Variants in IL17RD observed in about 807,000 individuals in gnomAD.
IL17RD encodes the protein interleukin 17 receptor D.
IL17RD carries 52 observed loss-of-function variants against 80.5 expected under a neutral mutation model. The observed-to-expected ratio is 0.65, with a 90% CI of 0.52 to 0.81. The LOEUF (loss-of-function observed/expected upper bound fraction) is 0.81. Ranked by LOEUF, IL17RD falls within the 40% of genes least tolerant of loss-of-function variation. The probability of loss-of-function intolerance (pLI) is 0.00; values close to 1 mark genes in which losing one functional copy is unlikely to be tolerated. For synonymous variants in IL17RD, 416 were observed against 391.8 expected (o/e 1.06, Z -0.73); for missense variants, 1,024 against 955.1 (o/e 1.07, Z -0.95).
chr3:57,165,173 G>A lies in IL17RD; in HGVS notation c.114C>T (p.Thr38=). The change falls in exon 1 of 13, where the codon ACC becomes ACT. Residue 38 remains threonine, a synonymous_variant. Coordinates refer to ENST00000296318, the MANE Select transcript of IL17RD (RefSeq NM_017563.5). ...GGSGRARGAD[T]CGWRGVGPAS... Reference sequence around the variant, plus strand: ...GCCCTCGCCTTACCCTCCAGCCACAGGTGTCGGCGCCCCGCGCGCGGCCGG... The same window carrying A: ...GCCCTCGCCTTACCCTCCAGCCACAAGTGTCGGCGCCCCGCGCGCGGCCGG... The A allele has an allele frequency of 1.3e-6, 2 of 1,526,986 alleles. No individual in the cohort carries two copies. The highest frequency in any genetic ancestry group is 1.8e-6 in the Non-Finnish European group (2 of 1,138,486). The allele number at this position is 1,526,986 out of a possible 1,614,324, so 94.6% of individuals were successfully genotyped here.
upstream of IL17RD, chr3:57,165,452 G>A (rs1388659140): frequency 9.9e-6 from 4 of 404,460 alleles, no homozygotes; most frequent in African/African-American, 2.5e-5. Context: ...CTCGTGTGCT[G>A]GCCCCGCCCC....
At chr3:57,148,971 T>C (rs946220379) in intron 1 of IL17RD, among the ~76,000 whole-genome samples, 10 of 151,820 alleles carry the variant, frequency 6.6e-5, no homozygotes, top group African/African-American at 2.2e-4. Flanking sequence ...GGTTGGAAGG[T>C]TGGGGAAGGA....
At chr3:57,137,399 C>G (rs963870054) in intron 1 of IL17RD, among the ~76,000 whole-genome samples, 1 of 152,114 alleles carries the variant, frequency 6.6e-6, no homozygotes, top group African/African-American at 2.4e-5. Context: ...ATTTGGCAGA[C>G]AGAAGCACAG....
chr3:57,134,463 T>C (rs2107518859), intron 1 of IL17RD: 3 of 857,034 alleles, frequency 3.5e-6, no homozygotes, highest in Admixed American at 1.7e-5. Flanking sequence ...GAGAAGATAC[T>C]GTGAATCTAA....
intron 1 of IL17RD, among the ~76,000 whole-genome samples, chr3:57,156,988 C>A (rs2060271575): frequency 6.6e-6 from 1 of 152,188 alleles, no homozygotes; most frequent in African/African-American, 2.4e-5. Context: ...CAATGCATCA[C>A]TGCAATGTTT....
At chr3:57,160,991 A>G (rs1461681858) in intron 1 of IL17RD, among the ~76,000 whole-genome samples, 1 of 152,160 alleles carries the variant, frequency 6.6e-6, no homozygotes, top group Non-Finnish European at 1.5e-5. Context: ...AATAACTAGC[A>G]CAATGCCCCA....
At chr3:57,142,788 C>T (rs955696733) in intron 1 of IL17RD, among the ~76,000 whole-genome samples, 7 of 151,888 alleles carry the variant, frequency 4.6e-5, no homozygotes, top group African/African-American at 1.7e-4. Context: ...GGGGATAAAG[C>T]TTCATTTAAA....
intron 8 of IL17RD, among the ~76,000 whole-genome samples, chr3:57,103,353 C>T (rs140662243): frequency 1.3e-5 from 2 of 152,248 alleles, no homozygotes; most frequent in East Asian, 3.9e-4. Flanking sequence ...TTTACCAACT[C>T]GAAACTCTAA....
chr3:57,169,153 G>C (rs56290121), upstream of IL17RD: 3,003 of 470,158 alleles, frequency 6.4e-3, 76 homozygotes, highest in African/African-American at 0.053. Flanking sequence ...TTTCCTCCAG[G>C]CCACAGTGGA....
intron 1 of IL17RD, among the ~76,000 whole-genome samples, chr3:57,127,314 A>T (rs1707499667): frequency 1.0e-5 from 1 of 100,416 alleles, no homozygotes; most frequent in African/African-American, 5.9e-5. Flanking sequence ...AAAAATATAT[A>T]AAAATATATA....
At chr3:57,122,392 G>A (rs541841617) in intron 1 of IL17RD, among the ~76,000 whole-genome samples, 1 of 152,330 alleles carries the variant, frequency 6.6e-6, no homozygotes, top group East Asian at 1.9e-4. Flanking sequence ...CCCGGGCCCT[G>A]GACTGGTCCT....
rs1706630011 is a variant in IL17RD at position 57,094,678 on chromosome 3, A to G, written c.*1715T>C. 1 of 152,212 alleles carries G rather than the reference A, an allele frequency of 6.6e-6. No individual in the cohort carries two copies. Among genetic ancestry groups the G allele is most frequent in the African/African-American group, 2.4e-5 (1 of 41,446 alleles). 9.4% of individuals were successfully genotyped at this position (152,212 alleles called of 1,614,324 possible). A position where few individuals can be genotyped will look rare whatever the true frequency, so the allele number is the denominator to read the frequency against. ...TATGTTAGCAAGTTTGGACTAACCAATCTCCTTCACAGAATGCCTAGGATG... is the reference window on the plus strand; with the variant it reads ...TATGTTAGCAAGTTTGGACTAACCAGTCTCCTTCACAGAATGCCTAGGATG... On this transcript the variant is annotated 3_prime_UTR_variant, in exon 13 of 13. Coordinates refer to ENST00000296318, the MANE Select transcript of IL17RD (RefSeq NM_017563.5).
At chr3:57,126,695 A>ATAGC (rs1707465805) in intron 1 of IL17RD, among the ~76,000 whole-genome samples, 1 of 152,242 alleles carries the variant, frequency 6.6e-6, no homozygotes, top group South Asian at 2.1e-4. Context: ...TGTGCTAAAT[A>ATAGC]TAGCGCCCCT....
At chr3:57,165,870 C>G (rs73075282), upstream of IL17RD, among the ~76,000 whole-genome samples, 1 of 151,806 alleles carries the variant, frequency 6.6e-6, no homozygotes, top group East Asian at 1.9e-4. Flanking sequence ...CACCACAACC[C>G]CCCGTCCCCC....
At chr3:57,139,563 T>C (rs937965889) in intron 1 of IL17RD, among the ~76,000 whole-genome samples, 1 of 151,338 alleles carries the variant, frequency 6.6e-6, no homozygotes, top group African/African-American at 2.4e-5. Flanking sequence ...TCCCAGGCTG[T>C]AGTGCAGTGG....
At chr3:57,168,857 C>T (rs58854441), upstream of IL17RD, among the ~76,000 whole-genome samples, 2,224 of 152,274 alleles carry the variant, frequency 0.015, 54 homozygotes, top group African/African-American at 0.051. Context: ...GCTGGGATAA[C>T]AGGTGCCTGC....
Position 57,098,039 on chromosome 3 carries a change from T to C in IL17RD, c.1664A>G (p.Glu555Gly), listed in dbSNP as rs1706728943. Residue 555 changes from glutamate to glycine, a missense_variant, in exon 12 of 13, where the codon GAG becomes GGG. By Grantham distance (98) the Glu-to-Gly change is moderately conservative. Coordinates refer to ENST00000296318, the MANE Select transcript of IL17RD (RefSeq NM_017563.5). ...AICNMHQFID[E>G]EPDWFEKQFV... ...CTGCTTTTCGAACCAGTCGGGCTCC[T>C]CGTCAATAAACTGGTGCATGTTGCA... The C allele has an allele frequency of 6.2e-7, 1 of 1,613,920 alleles. No homozygotes were observed. The highest frequency in any genetic ancestry group is 8.5e-7 in the Non-Finnish European group (1 of 1,179,910).
chr3:57,120,730 C>T (rs78393874), intron 1 of IL17RD, among the ~76,000 whole-genome samples: 4,410 of 152,252 alleles, frequency 0.029, 100 homozygotes, highest in Admixed American at 0.044. Flanking sequence ...TATTAAGCCA[C>T]GACAGATAGG....
intron 1 of IL17RD, among the ~76,000 whole-genome samples, chr3:57,130,994 C>T (rs1216386790): frequency 1.3e-5 from 2 of 152,240 alleles, no homozygotes; most frequent in African/African-American, 4.8e-5. Flanking sequence ...TTTGTCCCCT[C>T]GCTAACATCA....
Sources: allele counts gnomAD v4.1 joint callset (sites outside exome capture counted in the v4.1 genomes callset), GRCh38; gene constraint gnomAD v4.1.1; transcripts MANE v1.5; gene names NCBI Gene and HGNC (gene_info 2026-07-23, HGNC 2026-07-21).